BCKDHB: variants seen among roughly 807,000 people sequenced by gnomAD.
BCKDHB encodes branched chain keto acid dehydrogenase E1 subunit beta, also known as 2-oxoisovalerate dehydrogenase subunit beta, mitochondrial.
In BCKDHB, 41 loss-of-function variants were observed where a neutral mutation model predicts 48.5. The observed-to-expected ratio is 0.85, with a 90% CI of 0.66 to 1.10. BCKDHB has a LOEUF of 1.10. BCKDHB is among the 50% of genes least tolerant of loss of function. The probability of loss-of-function intolerance (pLI) is 0.00; values close to 1 mark genes in which losing one functional copy is unlikely to be tolerated. For synonymous variants in BCKDHB, 201 were observed against 174.8 expected, an observed-to-expected ratio of 1.15 and a Z score of -1.18; for missense variants, 496 against 494.2, an observed-to-expected ratio of 1.00 and a Z score of -0.03.
chr6:80,376,255 T>C, the BCKDHB span, among the ~76,000 whole-genome samples: 1 of 152,012 alleles, frequency 6.6e-6, no homozygotes, highest in Non-Finnish European at 1.5e-5. Flanking sequence ...TGGTTGCCTC[T>C]ACTTCATCGC....
At chr6:80,305,315 G>A (rs1436345857) in intron 9 of BCKDHB, among the ~76,000 whole-genome samples, 1 of 151,884 alleles carries the variant, frequency 6.6e-6, no homozygotes, top group Non-Finnish European at 1.5e-5. Flanking sequence ...TTTTAAAAAA[G>A]ACTATGTTCA....
intron 8 of BCKDHB, among the ~76,000 whole-genome samples, chr6:80,241,278 A>T (rs1244403899): frequency 6.6e-6 from 1 of 152,278 alleles, no homozygotes; most frequent in East Asian, 1.9e-4. Context: ...TTCTCCATCC[A>T]GCTTTGTTCC....
intron 9 of BCKDHB, among the ~76,000 whole-genome samples, chr6:80,299,299 C>A (rs544849431): frequency 1.6e-4 from 25 of 152,170 alleles, no homozygotes; most frequent in Non-Finnish European, 2.8e-4. Context: ...TGTGTGTGTG[C>A]AGATGATTTT....
At chr6:80,212,416 C>T (rs986603735) in intron 8 of BCKDHB, among the ~76,000 whole-genome samples, 1 of 152,068 alleles carries the variant, frequency 6.6e-6, no homozygotes, top group Non-Finnish European at 1.5e-5. Context: ...TTTATAGGCT[C>T]TCTGCAAGAA....
At chr6:80,343,109 A>G (rs1254209977) in intron 9 of BCKDHB, among the ~76,000 whole-genome samples, 1 of 152,192 alleles carries the variant, frequency 6.6e-6, no homozygotes, top group African/African-American at 2.4e-5. Context: ...CAGTCAGGCA[A>G]AGAGCTGTGG....
intron 9 of BCKDHB, among the ~76,000 whole-genome samples, chr6:80,303,823 C>T (rs562614157): frequency 6.6e-6 from 1 of 152,082 alleles, no homozygotes; most frequent in East Asian, 1.9e-4. Flanking sequence ...ATGGAGACCA[C>T]TAGAGAAGTG....
intron 8 of BCKDHB, among the ~76,000 whole-genome samples, chr6:80,271,064 G>T (rs16891612): frequency 6.6e-6 from 1 of 151,952 alleles, no homozygotes; most frequent in Non-Finnish European, 1.5e-5. Flanking sequence ...TGCATTGCTC[G>T]GGAGAAACTA....
In BCKDHB at chr6:80,281,314, G is replaced by C. The variant is rs536418298; in HGVS notation, c.1038+8093G>C. On this transcript the variant is annotated intron_variant, in intron 9 of 9. Transcript: ENST00000320393. ...GAGAAAGAAAGGAAGTTATGAAGCA[G>C]AGTGAGAGGGAGTGGCTTCAGAAAA... 7.9e-4 allele frequency among the ~76,000 whole-genome samples: 120 copies of C among 152,264 alleles called. 1 individual carries two copies. Among genetic ancestry groups the C allele is most frequent in the Admixed American group, 3.7e-3 (56 of 15,282 alleles).
At chr6:80,349,586 C>T (rs532117176), downstream of BCKDHB, among the ~76,000 whole-genome samples, 4 of 152,012 alleles carry the variant, frequency 2.6e-5, no homozygotes, top group South Asian at 8.3e-4. Context: ...AATAAATTGA[C>T]CTAGAAAGGT....
chr6:80,404,333 T>A, the BCKDHB span, among the ~76,000 whole-genome samples: 1 of 151,982 alleles, frequency 6.6e-6, no homozygotes, highest in Non-Finnish European at 1.5e-5. Flanking sequence ...GAATGATCCA[T>A]CTCTTCTAGA....
At chr6:80,460,453 C>T in the BCKDHB span, among the ~76,000 whole-genome samples, 1 of 152,132 alleles carries the variant, frequency 6.6e-6, no homozygotes, top group African/African-American at 2.4e-5. Flanking sequence ...GTCTGGAATA[C>T]CCCACCCTAA....
intron 3 of BCKDHB, among the ~76,000 whole-genome samples, chr6:80,140,568 G>T (rs1248404821): frequency 6.6e-6 from 1 of 151,998 alleles, no homozygotes; most frequent in African/African-American, 2.4e-5. Flanking sequence ...TAATCATGTG[G>T]TTTTTGTCTT....
intron 8 of BCKDHB, among the ~76,000 whole-genome samples, chr6:80,242,311 C>T (rs600843): frequency 0.23 from 34,379 of 152,024 alleles, 4,896 homozygotes; most frequent in Non-Finnish European, 0.32. Flanking sequence ...TTCATGTACA[C>T]GTGGATTTGT....
intron 3 of BCKDHB, among the ~76,000 whole-genome samples, chr6:80,134,800 T>C (rs1698688188): frequency 6.6e-6 from 1 of 152,102 alleles, no homozygotes; most frequent in African/African-American, 2.4e-5. Flanking sequence ...TCACCCAGGC[T>C]GGAGTGCAGT....
chr6:80,458,517 C>T, the BCKDHB span, among the ~76,000 whole-genome samples: 908 of 152,254 alleles, frequency 6.0e-3, 9 homozygotes, highest in African/African-American at 0.02. Flanking sequence ...AGATTCGAAA[C>T]GGATTCCTGT....
At position 80,198,125 on chromosome 6, in the gene BCKDHB, C is replaced by A. The variant is rs553075934; in HGVS notation, c.743-2809C>A. ...ATGGTAAATATTTTAGGTTTGCAGA[C>A]CATACTGTCTTTGTTGGAACTAGTC... On this transcript the variant is annotated intron_variant, in intron 6 of 9. Coordinates refer to ENST00000320393, the MANE Select transcript of BCKDHB (RefSeq NM_183050.4). Among the ~76,000 whole-genome samples the A allele has an allele frequency of 4.0e-4, 61 of 152,286 alleles. 1 individual carries two copies. In the South Asian group the frequency reaches 0.012, roughly 31 times the overall value.
chr6:80,127,227 C>T lies in BCKDHB; in HGVS notation c.197-320C>T, dbSNP rs115635121. The T allele has an allele frequency of 1.6e-3, 529 of 335,266 alleles. 4 individuals are homozygous for T. The highest frequency in any genetic ancestry group is 0.011 in the African/African-American group (503 of 47,238). 20.8% of individuals were successfully genotyped at this position (335,266 alleles called of 1,614,324 possible). ...CCTGTCTGTGCTTCTTCCCAGACCA[C>T]TCACTTTGACGGGTCTCCCTTTCTG... is the stretch of plus-strand genomic sequence containing the variant. On this transcript the variant is annotated intron_variant, in intron 1 of 9. Coordinates refer to ENST00000320393, the MANE Select transcript of BCKDHB (RefSeq NM_183050.4).
At chr6:80,449,484 A>G in the BCKDHB span, among the ~76,000 whole-genome samples, 2 of 152,194 alleles carry the variant, frequency 1.3e-5, no homozygotes, top group African/African-American at 4.8e-5. Context: ...AAGTAAAAAT[A>G]AATAAGAATA....
At chr6:80,278,788 A>G (rs2127972093) in intron 9 of BCKDHB, among the ~76,000 whole-genome samples, 1 of 151,948 alleles carries the variant, frequency 6.6e-6, no homozygotes, top group South Asian at 2.1e-4. Flanking sequence ...TGAACTCCTG[A>G]CCTTGTGATC....
Sources: gnomAD v4.1 joint callset for allele counts (sites outside exome capture counted in the v4.1 genomes callset) on GRCh38, gnomAD v4.1.1 for gene constraint, MANE v1.5 for transcripts, NCBI Gene and HGNC (gene_info 2026-07-23, HGNC 2026-07-21) for gene names.